Variants in L3MBTL4 observed in about 807,000 individuals in gnomAD.
L3MBTL4 encodes the protein L3MBTL histone methyl-lysine binding protein 4, also known as lethal(3)malignant brain tumor-like protein 4.
Under a neutral mutation model 84.5 loss-of-function variants are expected in L3MBTL4, and 70 were observed. The observed-to-expected ratio is 0.83, with a 90% CI of 0.68 to 1.01. The LOEUF is 1.01. Ranked by LOEUF, L3MBTL4 falls within the 50% of genes least tolerant of loss-of-function variation. The pLI is 0.00. For missense variants in L3MBTL4, 715 were observed against 754.8 expected, an observed-to-expected ratio of 0.95 and a Z score of 0.62; for synonymous variants, 274 against 259.8, an observed-to-expected ratio of 1.05 and a Z score of -0.52.
At chr18:6,239,684 A>G in intron 9 of L3MBTL4, 34 bp downstream of exon 9, 2 of 1,601,600 alleles carry the variant, frequency 1.2e-6, no homozygotes, top group Non-Finnish European at 1.7e-6. Flanking sequence ...AAACATATGA[A>G]TACACAAAAA....
chr18:6,042,902 C>T (rs2056463065), intron 16 of L3MBTL4, among the ~76,000 whole-genome samples: 1 of 152,214 alleles, frequency 6.6e-6, no homozygotes, highest in African/African-American at 2.4e-5. Context: ...TCTTGGCTTT[C>T]TCAAAGGCCT....
intron 4 of L3MBTL4, among the ~76,000 whole-genome samples, chr18:6,285,422 T>C (rs2049525778): frequency 6.6e-6 from 1 of 152,198 alleles, no homozygotes; most frequent in African/African-American, 2.4e-5. Flanking sequence ...CACTGTTAAT[T>C]CCGATTTCCA....
chr18:6,135,604 C>A (rs2060006544), intron 14 of L3MBTL4, among the ~76,000 whole-genome samples: 2 of 151,580 alleles, frequency 1.3e-5, no homozygotes, highest in Non-Finnish European at 2.9e-5. Context: ...CAAGATGCTG[C>A]CAGTCTCTTT....
Position 6,268,804 on chromosome 18 carries a change from T to C in L3MBTL4, c.128-4766A>G, listed in dbSNP as rs142432114. On this transcript the variant is annotated intron_variant, in intron 4 of 18. Coordinates refer to ENST00000317931, the MANE Select transcript of L3MBTL4 (RefSeq NM_001330559.2). ...ATATATACATATGTATACCAGGTAC[T>C]GATTGGGATATGTGTATGTGTATAC... Among the ~76,000 whole-genome samples the C allele has an allele frequency of 4.2e-3, 643 of 152,332 alleles. 5 individuals carry two copies. The highest frequency in any genetic ancestry group is 5.4e-3 in the Non-Finnish European group (367 of 68,028).
intron 1 of L3MBTL4, chr18:6,326,564 C>G (rs2051730687): frequency 6.6e-6 from 1 of 152,216 alleles, no homozygotes; most frequent in Non-Finnish European, 1.5e-5. Context: ...GATCTGCCTC[C>G]TGGAAAACCC....
intron 16 of L3MBTL4, among the ~76,000 whole-genome samples, chr18:6,010,351 A>T (rs506124): frequency 0.8 from 121,954 of 152,136 alleles, 49,243 homozygotes; most frequent in Admixed American, 0.85. Context: ...TCAGAGAGGA[A>T]CTGTGCTGTG....
At chr18:6,387,263 C>T (rs2054862434) in intron 1 of L3MBTL4, among the ~76,000 whole-genome samples, 1 of 152,192 alleles carries the variant, frequency 6.6e-6, no homozygotes, top group Admixed American at 6.5e-5. Context: ...TACCACTATT[C>T]CCTTGCCTAC....
At chr18:6,278,510 G>A (rs1375365439) in intron 4 of L3MBTL4, among the ~76,000 whole-genome samples, 6 of 151,986 alleles carry the variant, frequency 3.9e-5, no homozygotes, top group African/African-American at 1.5e-4. Context: ...TATCTATCTA[G>A]AATTTCATAT....
chr18:6,181,942 T>C (rs750321950), intron 12 of L3MBTL4, among the ~76,000 whole-genome samples: 29 of 152,204 alleles, frequency 1.9e-4, no homozygotes, highest in Non-Finnish European at 4.0e-4. Flanking sequence ...TCTGTGTCTT[T>C]GCTACTGTAA....
intron 12 of L3MBTL4, among the ~76,000 whole-genome samples, chr18:6,212,612 T>C (rs920259243): frequency 6.6e-6 from 1 of 152,224 alleles, no homozygotes; most frequent in Non-Finnish European, 1.5e-5. Flanking sequence ...TTTTTTTATT[T>C]GACAAAGAAA....
intron 1 of L3MBTL4, among the ~76,000 whole-genome samples, chr18:6,329,398 C>G (rs185131671): frequency 3.7e-4 from 56 of 152,090 alleles, no homozygotes; most frequent in African/African-American, 1.3e-3. Flanking sequence ...CACGATCCAC[C>G]CGCCTCAGCC....
At chr18:5,969,337 C>CCTATTT in intron 17 of L3MBTL4, 56 bp downstream of exon 17, 1 of 1,595,912 alleles carries the variant, frequency 6.3e-7, no homozygotes, top group Non-Finnish European at 8.6e-7. Context: ...GCACCTTCCG[C>CCTATTT]CTATTTCTCA....
In L3MBTL4 at chr18:6,215,806, T is replaced by C. The variant is rs768363789; in HGVS notation, c.814A>G (p.Thr272Ala). The C allele has an allele frequency of 3.1e-6, 5 of 1,605,486 alleles. No individual in the cohort carries two copies. The highest frequency in any genetic ancestry group is 2.7e-5 in the African/African-American group (2 of 74,532). ...GTTTGAGTAGCTTCCAGGTATTCTG[T>C]CCAGGAAAAATTTTCTGGATTGGGA... The part of the protein sequence containing the change: ...GYPNPENFSW[T>A]EYLEATQTNA... Residue 272 changes from threonine to alanine, a missense_variant, in exon 11 of 19, where the codon ACA becomes GCA. Thr to Ala is a moderately conservative substitution (Grantham distance 58). Transcript: ENST00000317931.
chr18:6,250,974 C>T (rs994202468), intron 5 of L3MBTL4, among the ~76,000 whole-genome samples: 2 of 151,938 alleles, frequency 1.3e-5, no homozygotes, highest in Non-Finnish European at 2.9e-5. Context: ...CTTACATAGG[C>T]GAACTGTGAT....
intron 16 of L3MBTL4, among the ~76,000 whole-genome samples, chr18:5,984,327 C>T (rs112065559): frequency 0.017 from 2,657 of 152,314 alleles, 79 homozygotes; most frequent in African/African-American, 0.061. Context: ...GATAGTATTG[C>T]TGAATCCCAT....
chr18:6,341,071 A>G (rs2052586081), intron 1 of L3MBTL4, among the ~76,000 whole-genome samples: 1 of 152,082 alleles, frequency 6.6e-6, no homozygotes, highest in Non-Finnish European at 1.5e-5. Context: ...AGACCTCCAG[A>G]ATCTAGAGAG....
In L3MBTL4 at chr18:6,404,026, TCTAA is replaced by T. The variant is rs577248870; in HGVS notation, c.-91+10771_-91+10774del. Among the ~76,000 whole-genome samples the T allele has an allele frequency of 4.2e-4, 64 of 151,578 alleles. 2 individuals carry two copies. Among genetic ancestry groups the T allele is most frequent in the Non-Finnish European group, 7.7e-4 (52 of 67,940 alleles). ...AAACCAAACATCAAATATTCTCACT[TCTAA>T]CTGAGAGATGAGCTATGAGGACACA... On this transcript the variant is annotated intron_variant, in intron 1 of 18. Coordinates refer to ENST00000317931, the MANE Select transcript of L3MBTL4 (RefSeq NM_001330559.2).
At chr18:6,185,415 G>C (rs1008433772) in intron 12 of L3MBTL4, among the ~76,000 whole-genome samples, 1 of 152,190 alleles carries the variant, frequency 6.6e-6, no homozygotes, top group Admixed American at 6.5e-5. Context: ...AGTAGCCAAA[G>C]GACTCATGAA....
intron 1 of L3MBTL4, among the ~76,000 whole-genome samples, chr18:6,337,868 GA>G (rs1368327189): frequency 6.6e-6 from 1 of 151,648 alleles, no homozygotes; most frequent in Non-Finnish European, 1.5e-5. Context: ...TAAACACAAA[GA>G]AAAAAATCTT....
Sources: gnomAD v4.1 joint callset for allele counts (sites outside exome capture counted in the v4.1 genomes callset) on GRCh38, gnomAD v4.1.1 for gene constraint, MANE v1.5 for transcripts, NCBI Gene and HGNC (gene_info 2026-07-23, HGNC 2026-07-21) for gene names.